CADM2: variants seen among roughly 807,000 people sequenced by gnomAD.
CADM2 encodes the protein cell adhesion molecule 2, also known as immunoglobulin superfamily member 4D.
Under a neutral mutation model 49.8 loss-of-function variants are expected in CADM2, and 12 were observed. That is an observed-to-expected ratio of 0.24 (90% confidence interval 0.15 to 0.39). The LOEUF is 0.39. Ranked by LOEUF, CADM2 falls within the 10% of genes least tolerant of loss-of-function variation. The pLI is 1.00. For missense variants in CADM2, 378 were observed against 492.3 expected (o/e 0.77, Z 2.20); for synonymous variants, 214 against 175.4 (o/e 1.22, Z -1.74).
At chr3:85,782,777 C>A (rs1052529741) in intron 2 of CADM2, among the ~76,000 whole-genome samples, 7 of 151,814 alleles carry the variant, frequency 4.6e-5, no homozygotes, top group Middle Eastern at 3.4e-3. Flanking sequence ...CAATACAGAA[C>A]TTTAGAATAC....
chr3:85,549,506 AATG>A (rs2061747333), intron 1 of CADM2, among the ~76,000 whole-genome samples: 2 of 152,226 alleles, frequency 1.3e-5, no homozygotes, highest in African/African-American at 4.8e-5. Flanking sequence ...AGAGTAAGTG[AATG>A]ATGAGTAGAT....
rs1358781153 is a variant in CADM2, at chr3:84,986,323, C to T, written c.61+26655C>T. Among the ~76,000 whole-genome samples, 4 of 152,006 alleles carry T rather than the reference C, an allele frequency of 2.6e-5. No homozygotes were observed. In the East Asian group the frequency reaches 5.8e-4, roughly 22 times the overall value. On this transcript the variant is annotated intron_variant, in intron 1 of 9. Transcript: ENST00000383699. ...TTTAGCGATTGACACTTTTGTGTAC[C>T]TGCCCACAGAATTTAATATATGGGG...
chr3:85,733,147 T>C (rs1180081909), intron 2 of CADM2, among the ~76,000 whole-genome samples: 1 of 152,198 alleles, frequency 6.6e-6, no homozygotes, highest in Non-Finnish European at 1.5e-5. Context: ...TGTCATTCAC[T>C]TACCTTATGT....
intron 1 of CADM2, among the ~76,000 whole-genome samples, chr3:85,526,278 G>A (rs946924331): frequency 4.1e-5 from 6 of 146,160 alleles, no homozygotes. Flanking sequence ...GGTAAATCTG[G>A]TCCTTTTTAT....
intron 1 of CADM2, among the ~76,000 whole-genome samples, chr3:85,384,044 A>G (rs1204668308): frequency 6.6e-6 from 1 of 152,160 alleles, no homozygotes; most frequent in East Asian, 1.9e-4. Flanking sequence ...AAATATTCAA[A>G]TTTGCCAGAA....
At chr3:85,819,593 G>A (rs1458963177) in intron 3 of CADM2, among the ~76,000 whole-genome samples, 2 of 152,072 alleles carry the variant, frequency 1.3e-5, no homozygotes, top group Non-Finnish European at 2.9e-5. Flanking sequence ...TCCATTTATG[G>A]TAGAGAAGGT....
intron 1 of CADM2, among the ~76,000 whole-genome samples, chr3:85,388,741 C>A (rs2034371197): frequency 6.6e-6 from 1 of 151,736 alleles, no homozygotes; most frequent in Non-Finnish European, 1.5e-5. Flanking sequence ...AAAGAGAGAA[C>A]CATCAATTAA....
intron 1 of CADM2, among the ~76,000 whole-genome samples, chr3:85,364,923 G>C (rs1441617676): frequency 2.0e-5 from 3 of 152,026 alleles, no homozygotes; most frequent in African/African-American, 7.2e-5. Flanking sequence ...TAGAAGAAAT[G>C]AATGAGAAAT....
At chr3:85,481,358 C>T (rs540391434) in intron 1 of CADM2, among the ~76,000 whole-genome samples, 2 of 151,420 alleles carry the variant, frequency 1.3e-5, no homozygotes, top group African/African-American at 4.8e-5. Flanking sequence ...GGAAAGTGCT[C>T]TCATATTGAC....
At chr3:85,648,084 C>T (rs537631560) in intron 1 of CADM2, among the ~76,000 whole-genome samples, 1 of 151,946 alleles carries the variant, frequency 6.6e-6, no homozygotes, top group Non-Finnish European at 1.5e-5. Context: ...AACTTTAATA[C>T]AGATTTTTGC....
At chr3:85,018,498 C>T (rs949296696) in intron 1 of CADM2, among the ~76,000 whole-genome samples, 7 of 152,052 alleles carry the variant, frequency 4.6e-5, no homozygotes, top group Admixed American at 2.0e-4. Flanking sequence ...ATGCCTCAGG[C>T]GCCCGCCACC....
intron 7 of CADM2, among the ~76,000 whole-genome samples, chr3:85,936,551 G>GCCTA (rs1721208625): frequency 6.6e-6 from 1 of 151,534 alleles, no homozygotes; most frequent in Non-Finnish European, 1.5e-5. Flanking sequence ...GAACACTCTA[G>GCCTA]GCCTAGCTTT....
rs1344929465 is a variant in CADM2, at chr3:85,094,959, G to A, written c.61+135291G>A. On this transcript the variant is annotated intron_variant, in intron 1 of 9. Transcript: ENST00000383699. ...TAAGCATTAATATGTGCCAGTCTCC[G>A]AAAGGACCATGTATATGAATTCTTG... Among the ~76,000 whole-genome samples, 4 of 151,988 alleles carry A rather than the reference G, an allele frequency of 2.6e-5. No individual in the cohort carries two copies. In the East Asian group the frequency reaches 5.8e-4, roughly 22 times the overall value.
intron 1 of CADM2, among the ~76,000 whole-genome samples, chr3:85,562,750 C>A (rs1274673210): frequency 6.6e-6 from 1 of 152,120 alleles, no homozygotes; most frequent in Non-Finnish European, 1.5e-5. Flanking sequence ...TGTTGCTATA[C>A]TTCATTCTTG....
At chr3:85,077,790 TG>T (rs2037004734) in intron 1 of CADM2, among the ~76,000 whole-genome samples, 1 of 152,136 alleles carries the variant, frequency 6.6e-6, no homozygotes, top group African/African-American at 2.4e-5. Context: ...GCTGTGGTTT[TG>T]TTAATAAAAA....
chr3:85,831,531 G>T (rs939731927), intron 3 of CADM2, among the ~76,000 whole-genome samples: 46 of 151,968 alleles, frequency 3.0e-4, no homozygotes, highest in African/African-American at 1.1e-3. Flanking sequence ...ATTCTGAATG[G>T]TGTGAAATGA....
At chr3:85,764,151 T>C (rs894410555) in intron 2 of CADM2, among the ~76,000 whole-genome samples, 1 of 152,102 alleles carries the variant, frequency 6.6e-6, no homozygotes, top group African/African-American at 2.4e-5. Context: ...TTATATCTAA[T>C]TTGTATCTTT....
At chr3:85,296,311 T>C (rs775712598) in intron 1 of CADM2, among the ~76,000 whole-genome samples, 11 of 152,106 alleles carry the variant, frequency 7.2e-5, no homozygotes, top group Non-Finnish European at 1.3e-4. Context: ...TAATATGTAC[T>C]ACATATGATT....
intron 1 of CADM2, among the ~76,000 whole-genome samples, chr3:85,212,006 T>C (rs1417516920): frequency 6.6e-6 from 1 of 152,164 alleles, no homozygotes; most frequent in Non-Finnish European, 1.5e-5. Context: ...TCTTGTTGAA[T>C]TGTCCCCTTT....
Sources: allele counts gnomAD v4.1 joint callset (sites outside exome capture counted in the v4.1 genomes callset), GRCh38; gene constraint gnomAD v4.1.1; transcripts MANE v1.5; gene names NCBI Gene and HGNC (gene_info 2026-07-23, HGNC 2026-07-21).